Variants in NBPF12 observed in about 807,000 individuals in gnomAD.
The protein encoded by NBPF12 is NBPF family member NBPF12.
A neutral mutation model predicts 146.4 loss-of-function variants in NBPF12; 115 were observed. The ratio of observed to expected loss-of-function variants is 0.79; its 90% CI spans 0.68 to 0.92. The LOEUF is 0.92. Ranked by LOEUF, NBPF12 falls within the 40% of genes least tolerant of loss-of-function variation. NBPF12 has a pLI of 0.00. For synonymous variants in NBPF12, 385 were observed against 508.9 expected (o/e 0.76, Z 3.28); for missense variants, 1,205 against 1,326.8 (o/e 0.91, Z 1.43).
Position 146,939,026 on chromosome 1 carries a change from C to G in NBPF12, c.-822+44C>G. The G allele has an allele frequency of 6.6e-6, 1 of 152,394 alleles. No homozygotes were observed. 9.4% of individuals were successfully genotyped at this position (152,394 alleles called of 1,614,324 possible). On this transcript the variant is annotated intron_variant, in intron 1 of 35. Transcript: ENST00000617931. ...GCCGGGCGGCAGGTGAGTCTGGGACCTGCGGGCGCACAGCTGGGCTGAGGC... is the reference window on the plus strand; with the variant it reads ...GCCGGGCGGCAGGTGAGTCTGGGACGTGCGGGCGCACAGCTGGGCTGAGGC...
chr1:146,994,743 C>T (rs1172329296), exon 34 of NBPF12: 2 of 1,198,748 alleles, frequency 1.7e-6, no homozygotes, highest in African/African-American at 1.6e-5. Flanking sequence ...TGTGCTCAGT[C>T]TGAAGACAAT....
In NBPF12 at chr1:146,966,355, A is replaced by T. The variant is rs1445797350; in HGVS notation, c.779-109A>T. On this transcript the variant is annotated intron_variant, in intron 8 of 33. Coordinates refer to ENST00000617844, the Ensembl canonical transcript of NBPF12. ...ACAAGAGTGAAACCAGGGAAACATCATCTTCGAATAAGTACACAAGGCTGC... is the reference window on the plus strand; with the variant it reads ...ACAAGAGTGAAACCAGGGAAACATCTTCTTCGAATAAGTACACAAGGCTGC... 5.0e-6 allele frequency: 5 copies of T among 990,906 alleles called. No homozygotes were observed. The East Asian group carries it at 1.2e-4, about 23-fold the overall frequency. The allele number at this position is 990,906 out of a possible 1,614,324, so 61.4% of individuals were successfully genotyped here. A position where few individuals can be genotyped will look rare whatever the true frequency, so the allele number is the denominator to read the frequency against.
chr1:146,954,919 G>A lies in NBPF12; in HGVS notation c.-184+3430G>A, dbSNP rs1163162624. Among the ~76,000 whole-genome samples, 86 of 121,412 alleles carry A rather than the reference G, an allele frequency of 7.1e-4. 1 individual carries two copies. The highest frequency in any genetic ancestry group is 2.3e-3 in the African/African-American group (73 of 31,968). The allele number at this position is 121,412 out of a possible 152,430, so 79.7% of individuals were successfully genotyped here. A position where few individuals can be genotyped will look rare whatever the true frequency, so the allele number is the denominator to read the frequency against. ...CACAAACGTGTGTGTGTGTGTGTGT[G>A]TGTATATATATATATTCACCGTTTT... On this transcript the variant is annotated intron_variant, in intron 2 of 33. Coordinates refer to ENST00000617844, the Ensembl canonical transcript of NBPF12.
At chr1:146,970,093 G>T (rs1656492084) in intron 11 of NBPF12, among the ~76,000 whole-genome samples, 1 of 150,388 alleles carries the variant, frequency 6.6e-6, no homozygotes, top group Admixed American at 6.6e-5. Context: ...ATGAGATGAA[G>T]CCCCTCTCGG....
intron 4 of NBPF12, among the ~76,000 whole-genome samples, chr1:146,960,929 C>G (rs1235868562): frequency 6.6e-6 from 1 of 152,148 alleles, no homozygotes; most frequent in South Asian, 2.1e-4. Context: ...GGGCAGAGCA[C>G]GAGGTCAGCA....
At chr1:146,990,848 T>G (rs1658099110) in intron 29 of NBPF12, among the ~76,000 whole-genome samples, 1 of 80,810 alleles carries the variant, frequency 1.2e-5, no homozygotes, top group Admixed American at 1.6e-4. Flanking sequence ...AGAGTGTCCT[T>G]TGAACCCTTC....
At chr1:146,957,991 A>C (rs1297316951) in intron 2 of NBPF12, among the ~76,000 whole-genome samples, 1 of 123,196 alleles carries the variant, frequency 8.1e-6, no homozygotes, top group African/African-American at 2.8e-5. Context: ...GTGTGTGTAT[A>C]TATATATATA....
At chr1:146,962,677 T>C (rs1655934141) in intron 5 of NBPF12, among the ~76,000 whole-genome samples, 3 of 150,386 alleles carry the variant, frequency 2.0e-5, no homozygotes. Context: ...CATTCTTTTC[T>C]TCTTTCATCT....
intron 19 of NBPF12, among the ~76,000 whole-genome samples, chr1:146,982,565 GAACTC>G: frequency 6.6e-6 from 1 of 152,010 alleles, no homozygotes; most frequent in Admixed American, 6.6e-5. Flanking sequence ...ATTGGGTCAA[GAACTC>G]TCTTGACTTG....
At chr1:146,962,140 G>T (rs1451822334) in intron 4 of NBPF12, 21 bp from the exon 8 acceptor site, 1 of 1,607,538 alleles carries the variant, frequency 6.2e-7, no homozygotes, top group African/African-American at 1.3e-5. Flanking sequence ...ACTGAGGCAG[G>T]CGTGTCTGTC....
At chr1:146,971,690 TTAGG>T (rs1174535870) in intron 13 of NBPF12, among the ~76,000 whole-genome samples, 1 of 150,372 alleles carries the variant, frequency 6.7e-6, no homozygotes, top group Non-Finnish European at 1.5e-5. Context: ...CTCAGGAGAC[TTAGG>T]TGGGAGGATC....
In NBPF12 at chr1:146,955,940, T is replaced by C. The variant is rs1347488873; in HGVS notation, c.-183-3919T>C. On this transcript the variant is annotated intron_variant, in intron 2 of 33. Transcript: ENST00000617844. ...GGAAAAACCTAGGCAAAACTCTTGG[T>C]GGGCTTTTGTTACATTCCAGCCTTT... Among the ~76,000 whole-genome samples, 12 of 151,382 alleles carry C rather than the reference T, an allele frequency of 7.9e-5. No homozygotes were observed. In the East Asian group the frequency reaches 2.3e-3, roughly 30 times the overall value.
intron 1 of NBPF12, among the ~76,000 whole-genome samples, chr1:146,941,286 T>C (rs1654791014): frequency 6.6e-6 from 1 of 151,816 alleles, no homozygotes; most frequent in African/African-American, 2.4e-5. Context: ...GGTTTTGCCA[T>C]GTTGCATAGC....
At chr1:146,994,517 C>T in exon 34 of NBPF12, 1 of 1,609,708 alleles carries the variant, frequency 6.2e-7, no homozygotes, top group Non-Finnish European at 8.5e-7. Context: ...AGCTTTTTTA[C>T]TTTGACGGTG....
chr1:146,951,222 C>T (rs1655311462), intron 1 of NBPF12, 126 bp from the exon 5 acceptor site: 2 of 635,132 alleles, frequency 3.1e-6, no homozygotes, highest in East Asian at 5.5e-5. Context: ...ATGAGCTTCT[C>T]TCAGGCCACA....
At chr1:146,995,726 G>A (rs1452843272) in exon 34 of NBPF12, 5 of 150,306 alleles carry the variant, frequency 3.3e-5, no homozygotes, top group South Asian at 2.1e-4. Flanking sequence ...GGCAGAGAAG[G>A]TCTAGTTTGT....
chr1:146,994,439 A>C (rs1397158152), exon 34 of NBPF12: 17 of 1,611,944 alleles, frequency 1.1e-5, no homozygotes, highest in African/African-American at 2.7e-5. Flanking sequence ...GACTCATTCC[A>C]GCACTACAGA....
At chr1:146,981,437 G>T (rs1327120883) in intron 19 of NBPF12, among the ~76,000 whole-genome samples, 1 of 151,146 alleles carries the variant, frequency 6.6e-6, no homozygotes, top group African/African-American at 2.4e-5. Context: ...CTAGTCTGAT[G>T]GGCTTCCCTT....
chr1:146,967,303 C>T (rs1232995551), intron 9 of NBPF12, among the ~76,000 whole-genome samples: 1 of 150,620 alleles, frequency 6.6e-6, no homozygotes, highest in Admixed American at 6.6e-5. Context: ...GAGTTTGAGA[C>T]CAGCCTGGGC....
Sources: gnomAD v4.1 joint callset for allele counts (sites outside exome capture counted in the v4.1 genomes callset) on GRCh38, gnomAD v4.1.1 for gene constraint, MANE v1.5 for transcripts, NCBI Gene and HGNC (gene_info 2026-07-23, HGNC 2026-07-21) for gene names.